C12orf50: variants seen among roughly 807,000 people sequenced by gnomAD.
C12orf50 encodes the protein zinc finger CCCH-type containing 11D, also known as uncharacterized protein C12orf50.
A neutral mutation model predicts 61.6 loss-of-function variants in C12orf50; 35 were observed. The ratio of observed to expected loss-of-function variants is 0.57; its 90% CI spans 0.43 to 0.75. The LOEUF is 0.75. C12orf50 is among the 30% of genes least tolerant of loss of function. The probability of loss-of-function intolerance (pLI) is 0.00; values close to 1 mark genes in which losing one functional copy is unlikely to be tolerated. For missense variants in C12orf50, 475 were observed against 488.5 expected, an observed-to-expected ratio of 0.97 and a Z score of 0.26; for synonymous variants, 178 against 161.5, an observed-to-expected ratio of 1.10 and a Z score of -0.77.
rs181387762 is a variant in C12orf50, at chr12:88,001,033, G to A, written c.134-2843C>T. Among the ~76,000 whole-genome samples the A allele has an allele frequency of 2.6e-5, 4 of 151,860 alleles. No homozygotes were observed. The East Asian group carries it at 7.7e-4, about 29-fold the overall frequency. ...CTGATGATGTTGCAACAATTTCCCT[G>A]TCTTGACTGCAAATGACAAGAATGA... On this transcript the variant is annotated intron_variant, in intron 3 of 12. Coordinates refer to ENST00000298699, the MANE Select transcript of C12orf50 (RefSeq NM_152589.3).
chr12:88,006,859 C>A (rs1160169956), intron 3 of C12orf50, among the ~76,000 whole-genome samples: 3 of 152,178 alleles, frequency 2.0e-5, no homozygotes, highest in Non-Finnish European at 4.4e-5. Flanking sequence ...AGTAGAGCTT[C>A]TGTCACACTA....
intron 7 of C12orf50, among the ~76,000 whole-genome samples, chr12:87,991,284 A>G (rs2031108829): frequency 6.6e-6 from 1 of 152,142 alleles, no homozygotes; most frequent in African/African-American, 2.4e-5. Flanking sequence ...AGCATCAAAT[A>G]AAATATTAGA....
rs186533173 is a variant in C12orf50 at position 88,002,101 on chromosome 12, C to T, written c.134-3911G>A. On this transcript the variant is annotated intron_variant, in intron 3 of 12. Transcript: ENST00000298699. ...AAGGTATAAGTCTAGGTTATCTATT[C>T]GAGATTTTTAAAAAATATATAGGCA... Among the ~76,000 whole-genome samples the T allele has an allele frequency of 3.1e-3, 463 of 151,644 alleles. 4 individuals carry two copies. The highest frequency in any genetic ancestry group is 3.4e-3 in the Non-Finnish European group (227 of 67,622).
At chr12:88,006,117 C>G (rs991067688) in intron 3 of C12orf50, among the ~76,000 whole-genome samples, 1 of 151,922 alleles carries the variant, frequency 6.6e-6, no homozygotes, top group Admixed American at 6.6e-5. Flanking sequence ...AGGGTTTCAC[C>G]GTGTTAGCTG....
At chr12:87,989,431 C>G in intron 7 of C12orf50, 60 bp from the exon 8 acceptor site, 1 of 1,210,464 alleles carries the variant, frequency 8.3e-7, no homozygotes, top group Non-Finnish European at 1.2e-6. Context: ...AACTAGCTTT[C>G]AATACAGGAA....
intron 3 of C12orf50, among the ~76,000 whole-genome samples, chr12:88,010,464 T>C (rs1032401128): frequency 1.4e-5 from 2 of 142,472 alleles, no homozygotes; most frequent in Non-Finnish European, 1.5e-5. Flanking sequence ...TTAAAATTAT[T>C]ATAATCTTAT....
chr12:87,990,218 T>G, intron 7 of C12orf50, among the ~76,000 whole-genome samples: 1 of 152,194 alleles, frequency 6.6e-6, no homozygotes, highest in East Asian at 1.9e-4. Context: ...CCTGTAAGAT[T>G]TGGCTCATTG....
chr12:87,996,717 G>A (rs2031413824), intron 4 of C12orf50, 71 bp from the exon 5 acceptor site: 3 of 1,149,850 alleles, frequency 2.6e-6, no homozygotes, highest in Non-Finnish European at 3.8e-6. Flanking sequence ...AAACCAGAAA[G>A]GAAAACCCCA....
intron 2 of C12orf50, 72 bp from the exon 3 acceptor site, chr12:88,026,680 T>C (rs1592690434): frequency 6.4e-7 from 1 of 1,556,170 alleles, no homozygotes; most frequent in East Asian, 2.2e-5. Flanking sequence ...TGTGCTACAA[T>C]ACAGCACAAG....
At chr12:88,000,309 A>G (rs1030344438) in intron 3 of C12orf50, among the ~76,000 whole-genome samples, 2 of 152,076 alleles carry the variant, frequency 1.3e-5, no homozygotes, top group Non-Finnish European at 2.9e-5. Flanking sequence ...AATGATCTAT[A>G]TGCCCTTGTT....
At chr12:87,997,964 A>T (rs1403017380) in intron 4 of C12orf50, 71 bp downstream of exon 4, 1 of 1,246,824 alleles carries the variant, frequency 8.0e-7, no homozygotes, top group African/African-American at 1.5e-5. Flanking sequence ...AAACCTTTAC[A>T]GTTAAACACA....
intron 3 of C12orf50, among the ~76,000 whole-genome samples, chr12:88,016,073 G>A (rs1303967829): frequency 6.6e-6 from 1 of 152,110 alleles, no homozygotes; most frequent in Non-Finnish European, 1.5e-5. Flanking sequence ...TAGCACTGCT[G>A]TGGCTCCAAC....
chr12:87,980,838 G>A (rs1461030445), intron 12 of C12orf50, among the ~76,000 whole-genome samples: 1 of 152,126 alleles, frequency 6.6e-6, no homozygotes, highest in African/African-American at 2.4e-5. Context: ...GGCTTCTCCT[G>A]TCCGCCAGTG....
In C12orf50 at chr12:88,017,447, C is replaced by T. The variant is rs772181841; in HGVS notation, c.133+9041G>A. 4.6e-5 allele frequency among the ~76,000 whole-genome samples: 7 copies of T among 152,198 alleles called. No homozygotes were observed. In the South Asian group the frequency reaches 6.2e-4, roughly 13 times the overall value. On this transcript the variant is annotated intron_variant, in intron 3 of 12. Transcript: ENST00000298699. Reference sequence around the variant, plus strand: ...AAATCTCTTTCTTTTGTAAATTGCTCAGTCTCAAGTATGTCTTTATCTGCA... The same window carrying T: ...AAATCTCTTTCTTTTGTAAATTGCTTAGTCTCAAGTATGTCTTTATCTGCA...
intron 6 of C12orf50, among the ~76,000 whole-genome samples, chr12:87,995,837 A>T (rs746381405): frequency 5.3e-5 from 8 of 152,198 alleles, no homozygotes; most frequent in Non-Finnish European, 1.0e-4. Context: ...CTTGCACAAC[A>T]TATTGCAGAT....
intron 3 of C12orf50, among the ~76,000 whole-genome samples, chr12:88,020,749 C>T (rs952353856): frequency 1.3e-5 from 2 of 151,992 alleles, no homozygotes; most frequent in Admixed American, 1.3e-4. Flanking sequence ...CTCATCATCA[C>T]ATGACACATC....
Position 88,016,346 on chromosome 12 carries a change from G to A in C12orf50, c.133+10142C>T, listed in dbSNP as rs115391444. 2.0e-3 allele frequency among the ~76,000 whole-genome samples: 308 copies of A among 152,070 alleles called. 1 individual carries two copies. Among genetic ancestry groups the A allele is most frequent in the African/African-American group, 6.0e-3 (248 of 41,484 alleles). ...CTCATAAAGGTAGATATTCACAAAGGTATTACTTTATAATTTAATCTTTGT... is the reference window on the plus strand; with the variant it reads ...CTCATAAAGGTAGATATTCACAAAGATATTACTTTATAATTTAATCTTTGT... On this transcript the variant is annotated intron_variant, in intron 3 of 12. Transcript: ENST00000298699.
In C12orf50 at chr12:87,983,085, C is replaced by A; in HGVS notation, c.1219+18G>T. The stretch of plus-strand genomic sequence containing the variant: ...TTCAGAATTGCATGATACATTAAAA[C>A]CACTTATAAATAGTTACCTGGATAT... On this transcript the variant is annotated intron_variant, in intron 12 of 12. Transcript: ENST00000298699. The A allele has an allele frequency of 7.0e-7, 1 of 1,427,640 alleles. No homozygotes were observed. Among genetic ancestry groups the A allele is most frequent in the Non-Finnish European group, 9.7e-7 (1 of 1,030,902 alleles). 88.4% of individuals were successfully genotyped at this position (1,427,640 alleles called of 1,614,324 possible).
intron 12 of C12orf50, among the ~76,000 whole-genome samples, chr12:87,982,514 C>A (rs1171486270): frequency 6.6e-6 from 1 of 151,964 alleles, no homozygotes; most frequent in East Asian, 1.9e-4. Flanking sequence ...CTGAACCAGC[C>A]CAGGAGAGTC....
Sources: gnomAD v4.1 joint callset for allele counts (sites outside exome capture counted in the v4.1 genomes callset) on GRCh38, gnomAD v4.1.1 for gene constraint, MANE v1.5 for transcripts, NCBI Gene and HGNC (gene_info 2026-07-23, HGNC 2026-07-21) for gene names.